Variants in PDIA3 observed in about 807,000 individuals in gnomAD.
PDIA3 encodes the protein protein disulfide isomerase family A member 3, also known as protein disulfide-isomerase A3.
A neutral mutation model predicts 56.9 loss-of-function variants in PDIA3; 16 were observed. The observed-to-expected ratio is 0.28, with a 90% CI of 0.19 to 0.43. PDIA3 has a LOEUF of 0.43. Ranked by LOEUF, PDIA3 falls within the 20% of genes least tolerant of loss-of-function variation. The pLI is 1.00. For missense variants in PDIA3, 485 were observed against 621.3 expected, an observed-to-expected ratio of 0.78 and a Z score of 2.33; for synonymous variants, 192 against 216.5, an observed-to-expected ratio of 0.89 and a Z score of 0.99.
At chr15:43,762,187 G>T (rs1310460966) in intron 4 of PDIA3, among the ~76,000 whole-genome samples, 1 of 151,954 alleles carries the variant, frequency 6.6e-6, no homozygotes, top group African/African-American at 2.4e-5. Context: ...AGCTATGTTT[G>T]TGCTTCTCTT....
At chr15:43,759,066 G>A (rs1198449807) in intron 3 of PDIA3, among the ~76,000 whole-genome samples, 3 of 152,044 alleles carry the variant, frequency 2.0e-5, no homozygotes, top group Non-Finnish European at 2.9e-5. Context: ...TGAGGCAGGC[G>A]GATCACAAGG....
Position 43,746,469 on chromosome 15 carries a change from T to A in PDIA3, c.-71T>A, listed in dbSNP as rs2086705331. 8 of 1,370,420 alleles carry A rather than the reference T, an allele frequency of 5.8e-6. No homozygotes were observed. Among genetic ancestry groups the A allele is most frequent in the Non-Finnish European group, 6.7e-6 (7 of 1,042,456 alleles). The allele number at this position is 1,370,420 out of a possible 1,614,324, so 84.9% of individuals were successfully genotyped here. A position where few individuals can be genotyped will look rare whatever the true frequency, so the allele number is the denominator to read the frequency against. On this transcript the variant is annotated 5_prime_UTR_variant, in exon 1 of 13. Coordinates refer to ENST00000300289, the MANE Select transcript of PDIA3 (RefSeq NM_005313.5). The stretch of plus-strand genomic sequence containing the variant: ...GCGAGCGCAAGCAGCGGGTTAGTGG[T>A]CGCGCGCCCGACCTCCGCAGTCCCA...
chr15:43,748,973 G>T (rs548774636), intron 1 of PDIA3, among the ~76,000 whole-genome samples: 7 of 152,100 alleles, frequency 4.6e-5, no homozygotes, highest in African/African-American at 1.7e-4. Context: ...GTTTCACCAT[G>T]TTGGCCAGGC....
intron 10 of PDIA3, 25 bp downstream of exon 10, chr15:43,769,671 A>C: frequency 6.2e-7 from 1 of 1,610,582 alleles, no homozygotes; most frequent in South Asian, 1.1e-5. Flanking sequence ...TATTCTGAGG[A>C]TAACATTTGA....
At chr15:43,765,796 C>A in intron 6 of PDIA3, 91 bp from the exon 7 acceptor site, 1 of 1,361,536 alleles carries the variant, frequency 7.3e-7, no homozygotes. Flanking sequence ...AAATCTCTTT[C>A]CTTCATAAAT....
chr15:43,759,315 A>G (rs1212831729), intron 3 of PDIA3, among the ~76,000 whole-genome samples: 3 of 152,140 alleles, frequency 2.0e-5, no homozygotes, highest in African/African-American at 7.2e-5. Context: ...AATAAATAAA[A>G]TTACCATATA....
chr15:43,763,505 G>A (rs537898091), intron 5 of PDIA3, among the ~76,000 whole-genome samples: 24 of 152,200 alleles, frequency 1.6e-4, no homozygotes, highest in Non-Finnish European at 2.8e-4. Context: ...CACCCACCTC[G>A]GCCTCCCAAA....
chr15:43,758,341 A>G (rs1341263072), intron 3 of PDIA3, among the ~76,000 whole-genome samples: 1 of 152,104 alleles, frequency 6.6e-6, no homozygotes, highest in Non-Finnish European at 1.5e-5. Flanking sequence ...ACTATGGAAA[A>G]CACAGTATGT....
chr15:43,771,115 AATTAAGTG>A lies in PDIA3; in HGVS notation c.1419_1426del (p.Leu473PhefsTer3). 6.2e-7 allele frequency: 1 copy of A among 1,611,164 alleles called. No homozygotes were observed. On this transcript the variant is annotated frameshift_variant, in exon 13 of 13. Transcript: ENST00000300289. LOFTEE classifies it high-confidence loss of function. Reference sequence around the variant, plus strand: ...TCTTTCTGTTTTCAGGGTGGCCGTGAATTAAGTGATTTTATTAGCTATCTACAAAGAGA... The same window carrying A: ...TCTTTCTGTTTTCAGGGTGGCCGTGAATTTTATTAGCTATCTACAAAGAGA...
rs2086817096 is a variant in PDIA3, at chr15:43,761,665, G to A, written c.472+134G>A. ...GTTGAGAAGGCAACTGACAGAATTGGGTCAGCAATTACTATAATGTACTAT... is the reference window on the plus strand; with the variant it reads ...GTTGAGAAGGCAACTGACAGAATTGAGTCAGCAATTACTATAATGTACTAT... On this transcript the variant is annotated intron_variant, in intron 4 of 12. Coordinates refer to ENST00000300289, the MANE Select transcript of PDIA3 (RefSeq NM_005313.5). 5.2e-6 allele frequency: 3 copies of A among 575,824 alleles called. No homozygotes were observed. The Admixed American group carries it at 9.7e-5, about 19-fold the overall frequency. 35.7% of individuals were successfully genotyped at this position (575,824 alleles called of 1,614,324 possible).
Position 43,773,019 on chromosome 15 carries a change from G to T in PDIA3, c.*1801G>T. ...TTGCCACCATGGACTCCAGTGGTCA[G>T]CATAAGAAAAGCAGATAGTTGCATT... On this transcript the variant is annotated 3_prime_UTR_variant, in exon 13 of 13. Coordinates refer to ENST00000300289, the MANE Select transcript of PDIA3 (RefSeq NM_005313.5). 2 of 1,175,848 alleles carry T rather than the reference G, an allele frequency of 1.7e-6. No individual in the cohort carries two copies. Among genetic ancestry groups the T allele is most frequent in the Non-Finnish European group, 1.2e-6 (1 of 826,682 alleles). 72.8% of individuals were successfully genotyped at this position (1,175,848 alleles called of 1,614,324 possible).
At chr15:43,751,996 G>T (rs1774912460) in intron 1 of PDIA3, among the ~76,000 whole-genome samples, 1 of 152,180 alleles carries the variant, frequency 6.6e-6, no homozygotes, top group African/African-American at 2.4e-5. Flanking sequence ...TGCCATTCCG[G>T]TCCAAGCTTT....
In PDIA3 at chr15:43,746,489, G is replaced by T. The variant is rs771786906; in HGVS notation, c.-51G>T. 77 of 1,478,862 alleles carry T rather than the reference G, an allele frequency of 5.2e-5. No homozygotes were observed. The highest frequency in any genetic ancestry group is 6.9e-5 in the Non-Finnish European group (77 of 1,108,968). The allele number at this position is 1,478,862 out of a possible 1,614,324, so 91.6% of individuals were successfully genotyped here. A position where few individuals can be genotyped will look rare whatever the true frequency, so the allele number is the denominator to read the frequency against. On this transcript the variant is annotated 5_prime_UTR_variant, in exon 1 of 13. Transcript: ENST00000300289. ...AGTGGTCGCGCGCCCGACCTCCGCA[G>T]TCCCAGCCGAGCCGCGACCCTTCCG...
intron 1 of PDIA3, among the ~76,000 whole-genome samples, chr15:43,747,276 A>C (rs1433769452): frequency 6.6e-6 from 1 of 152,222 alleles, no homozygotes; most frequent in African/African-American, 2.4e-5. Flanking sequence ...CTGATCACTT[A>C]CATCTCAGTA....
At chr15:43,768,678 A>G (rs2086863122) in intron 9 of PDIA3, 81 bp downstream of exon 9, 9 of 928,406 alleles carry the variant, frequency 9.7e-6, no homozygotes, top group Middle Eastern at 2.2e-4. Context: ...GGTCTAAATG[A>G]AGACTTCGTT....
intron 1 of PDIA3, among the ~76,000 whole-genome samples, chr15:43,753,325 G>A (rs768224295): frequency 3.9e-5 from 6 of 152,014 alleles, no homozygotes; most frequent in Admixed American, 2.0e-4. Flanking sequence ...TGATCTACTC[G>A]CCTTGGCCTC....
intron 1 of PDIA3, 46 bp downstream of exon 1, chr15:43,746,752 C>T (rs569338045): frequency 6.2e-7 from 1 of 1,601,204 alleles, no homozygotes; most frequent in Non-Finnish European, 8.5e-7. Context: ...GGGGCTGGGC[C>T]GGGGGCGAGA....
At chr15:43,759,029 G>T (rs1357884689) in intron 3 of PDIA3, among the ~76,000 whole-genome samples, 1 of 151,890 alleles carries the variant, frequency 6.6e-6, no homozygotes, top group Non-Finnish European at 1.5e-5. Context: ...GGTGGCTCAC[G>T]TCTGTAATCC....
chr15:43,746,593 G>A lies in PDIA3; in HGVS notation c.54G>A (p.Ala18=), dbSNP rs2086706810. 3 of 1,611,658 alleles carry A rather than the reference G, an allele frequency of 1.9e-6. No individual in the cohort carries two copies. The highest frequency in any genetic ancestry group is 2.5e-6 in the Non-Finnish European group (3 of 1,179,648). The change falls in exon 1 of 13, where the codon GCG becomes GCA. Residue 18 remains alanine (A), a synonymous_variant. Coordinates refer to ENST00000300289, the MANE Select transcript of PDIA3 (RefSeq NM_005313.5). ...CGGGTGTGGCGCTGCTTCTTGCCGCGGCCCGCCTCGCCGCTGCCTCCGACG... is the reference window on the plus strand; with the variant it reads ...CGGGTGTGGCGCTGCTTCTTGCCGCAGCCCGCCTCGCCGCTGCCTCCGACG... ...LFPGVALLLA[A]ARLAAASDVL...
Sources: gnomAD v4.1 joint callset for allele counts (sites outside exome capture counted in the v4.1 genomes callset) on GRCh38, gnomAD v4.1.1 for gene constraint, MANE v1.5 for transcripts, NCBI Gene and HGNC (gene_info 2026-07-23, HGNC 2026-07-21) for gene names.